NF1: variants seen among roughly 807,000 people sequenced by gnomAD.
The protein encoded by NF1 is neurofibromin 1.
NF1 carries 122 observed loss-of-function variants against 325.7 expected under a neutral mutation model. The observed-to-expected ratio is 0.37, with a 90% CI of 0.32 to 0.44. The LOEUF (loss-of-function observed/expected upper bound fraction) is 0.44, where lower values mean the gene tolerates loss of function less well. Among genes scored for constraint, NF1 ranks in the 20% least tolerant of loss-of-function variants. The probability of loss-of-function intolerance (pLI) is 1.00; values close to 1 mark genes in which losing one functional copy is unlikely to be tolerated. For synonymous variants in NF1, 1,091 were observed against 1,186.0 expected, an observed-to-expected ratio of 0.92 and a Z score of 1.65; for missense variants, 2,140 against 3,415.4, an observed-to-expected ratio of 0.63 and a Z score of 9.31.
rs2151555477 is a variant in NF1 at position 31,336,990 on chromosome 17, T to C, written c.6427+76T>C. On this transcript the variant is annotated intron_variant, in intron 42 of 57. Coordinates refer to ENST00000358273, the MANE Select transcript of NF1 (RefSeq NM_001042492.3). This position sits in a 1 kb window ranked among gnomAD's most constrained non-coding sequence, Gnocchi z 5.5. The stretch of plus-strand genomic sequence containing the variant: ...CTTCACCTGATCAATATAGATTATC[T>C]TATTTATGTTTGTGCTCTAACACCA... 1 of 1,479,704 alleles carries C rather than the reference T, an allele frequency of 6.8e-7. No individual in the cohort carries two copies. Among genetic ancestry groups the C allele is most frequent in the East Asian group, 2.3e-5 (1 of 44,030 alleles). 91.7% of individuals were successfully genotyped at this position (1,479,704 alleles called of 1,614,324 possible).
chr17:31,233,065 T>C lies in NF1; in HGVS notation c.3560T>C (p.Leu1187Pro). 1 of 1,614,198 alleles carries C rather than the reference T, an allele frequency of 6.2e-7. No homozygotes were observed. Among genetic ancestry groups the C allele is most frequent in the Non-Finnish European group, 8.5e-7 (1 of 1,180,030 alleles). Reference protein sequence around the residue: ...ATFMEVLTKILQQGTEFDTLA... With the variant: ...ATFMEVLTKIPQQGTEFDTLA... ...TTTATGGAAGTTCTGACAAAAATCC[T>C]TCAACAAGGCACAGAATTTGACACA... Residue 1187 changes from leucine to proline, a missense_variant, in exon 27 of 58, where the codon CTT becomes CCT. Leu to Pro is a moderately conservative substitution (Grantham distance 98). This residue lies in a region of NF1 where 336 missense variants were observed against 399.0 expected (regional missense o/e 0.84). Transcript: ENST00000358273.
At chr17:31,222,964 A>G (rs1812946381) in intron 15 of NF1, among the ~76,000 whole-genome samples, 1 of 152,208 alleles carries the variant, frequency 6.6e-6, no homozygotes, top group Non-Finnish European at 1.5e-5. Context: ...ATAACCATTC[A>G]GTTCTGCCTT....
intron 57 of NF1, among the ~76,000 whole-genome samples, chr17:31,364,998 A>G (rs2070482551): frequency 1.3e-5 from 2 of 152,162 alleles, no homozygotes; most frequent in African/African-American, 4.8e-5. Flanking sequence ...CCAGAATTAG[A>G]ACTAGAAAAT....
intron 39 of NF1, chr17:31,331,999 G>T (rs906886883): frequency 7.1e-6 from 1 of 141,764 alleles, no homozygotes; most frequent in Non-Finnish European, 1.5e-5. Flanking sequence ...ATATTTAATT[G>T]CTTTCTAGAT....
At chr17:31,211,731 A>C (rs1210778463) in intron 12 of NF1, among the ~76,000 whole-genome samples, 2 of 152,248 alleles carry the variant, frequency 1.3e-5, no homozygotes, top group African/African-American at 4.8e-5. Context: ...GTGCAGTAAC[A>C]ATACAGTATA....
chr17:31,201,226 A>G (rs1461692850), intron 10 of NF1, 67 bp downstream of exon 10: 7 of 1,580,482 alleles, frequency 4.4e-6, no homozygotes, highest in South Asian at 1.1e-5. Flanking sequence ...CAAAAAGACT[A>G]TAGAGATTAA....
Position 31,259,988 on chromosome 17 carries a change from T to C in NF1, c.4431-381T>C, listed in dbSNP as rs536164775. 2.0e-5 allele frequency among the ~76,000 whole-genome samples: 3 copies of C among 152,312 alleles called. No homozygotes were observed. The South Asian group carries it at 6.2e-4, about 32-fold the overall frequency. The stretch of plus-strand genomic sequence containing the variant: ...AGGATTCATATTCTGGCACTCTGTG[T>C]ACCCATACAAAGTTAAAAGGATCAA... On this transcript the variant is annotated intron_variant, in intron 33 of 57. Transcript: ENST00000358273.
intron 5 of NF1, among the ~76,000 whole-genome samples, chr17:31,178,827 T>A (rs1378753089): frequency 1.3e-5 from 2 of 152,130 alleles, no homozygotes; most frequent in Non-Finnish European, 2.9e-5. Context: ...ACCCTAAATA[T>A]ATATGCACCC....
intron 17 of NF1, 84 bp downstream of exon 17, chr17:31,225,334 A>G: frequency 6.9e-7 from 1 of 1,441,094 alleles, no homozygotes; most frequent in Non-Finnish European, 9.7e-7. Flanking sequence ...TCATCTAGGT[A>G]ATATAGTGTA....
intron 56 of NF1, chr17:31,360,105 A>C: frequency 4.3e-6 from 1 of 231,714 alleles, no homozygotes; most frequent in Non-Finnish European, 8.7e-6. Context: ...ATTGCCAGTA[A>C]CCCTCTGAGC....
chr17:31,283,684 G>T (rs552600663), intron 36 of NF1, among the ~76,000 whole-genome samples: 1 of 152,022 alleles, frequency 6.6e-6, no homozygotes, highest in Non-Finnish European at 1.5e-5. Flanking sequence ...GTAGAGACAG[G>T]GTTTGTCATG....
At chr17:31,222,178 G>GT (rs2144007317) in intron 15 of NF1, 2 of 1,189,072 alleles carry the variant, frequency 1.7e-6, no homozygotes, top group South Asian at 6.5e-5. Context: ...AAGTACTGTT[G>GT]TTTGGTATAT....
At chr17:31,346,243 G>A (rs1012755579) in intron 48 of NF1, 3 of 1,606,178 alleles carry the variant, frequency 1.9e-6, no homozygotes, top group Non-Finnish European at 2.6e-6. Context: ...AGTAGTGTGT[G>A]TAGTATTGGT....
At chr17:31,335,067 C>T (rs2151550892) in intron 40 of NF1, 36 bp downstream of exon 40, 1 of 1,553,878 alleles carries the variant, frequency 6.4e-7, no homozygotes, top group Non-Finnish European at 8.8e-7. Flanking sequence ...CTAGTATCTC[C>T]TTTGTGCACA....
chr17:31,154,732 CTTTTTTTTTT>C (rs71142026), intron 1 of NF1, among the ~76,000 whole-genome samples: 7 of 103,404 alleles, frequency 6.8e-5, no homozygotes, highest in Non-Finnish European at 1.3e-4. Flanking sequence ...TTAGTATTTC[CTTTTTTTTTT>C]TTTTTTTTTT....
Position 31,163,364 on chromosome 17 carries a change from G to C in NF1, c.467G>C (p.Arg156Pro), listed in dbSNP as rs754096545. Reference sequence around the variant, plus strand: ...AACAACTTCAATGCAGTCTTTAGTCGCATTTCTACCAGGTTAGTGTGTAAA... The same window carrying C: ...AACAACTTCAATGCAGTCTTTAGTCCCATTTCTACCAGGTTAGTGTGTAAA... ...SCNNFNAVFS[R>P]ISTRLQELTV... The change falls in exon 4 of 58, where the codon CGC becomes CCC. Residue 156 changes from arginine to proline, a missense_variant. By Grantham distance (103) the Arg-to-Pro change is moderately radical (BLOSUM62 -2). Transcript: ENST00000358273. 6.2e-7 allele frequency: 1 copy of C among 1,613,964 alleles called. No individual in the cohort carries two copies. Among genetic ancestry groups the C allele is most frequent in the Non-Finnish European group, 8.5e-7 (1 of 1,179,940 alleles).
intron 8 of NF1, among the ~76,000 whole-genome samples, chr17:31,187,519 A>G (rs2066263628): frequency 6.6e-6 from 1 of 152,096 alleles, no homozygotes; most frequent in Non-Finnish European, 1.5e-5. Context: ...CATGTTCCCA[A>G]CCATCCTGAA....
At chr17:31,155,819 A>G (rs2065650021) in intron 1 of NF1, among the ~76,000 whole-genome samples, 164 bp from the exon 2 acceptor site, 2 of 152,202 alleles carry the variant, frequency 1.3e-5, no homozygotes. Context: ...TCTGTGTATC[A>G]TATATTGGAG....
intron 3 of NF1, 116 bp downstream of exon 3, chr17:31,159,209 C>G: frequency 1.4e-6 from 1 of 740,244 alleles, no homozygotes; most frequent in Admixed American, 2.1e-5. Flanking sequence ...TTGTCTGAGA[C>G]ATATAAATAT....
Sources: allele counts gnomAD v4.1 joint callset (sites outside exome capture counted in the v4.1 genomes callset), GRCh38; gene constraint gnomAD v4.1.1; regional missense constraint gnomAD v4.1.1; non-coding constraint Gnocchi (gnomAD v3.1); transcripts MANE v1.5; gene names NCBI Gene and HGNC (gene_info 2026-07-23, HGNC 2026-07-21).